Variants in MCM7 observed in about 807,000 individuals in gnomAD.
MCM7 encodes the protein DNA replication licensing factor MCM7.
A neutral mutation model predicts 83.5 loss-of-function variants in MCM7; 95 were observed. The ratio of observed to expected loss-of-function variants is 1.14; its 90% CI spans 0.96 to 1.35. The LOEUF (loss-of-function observed/expected upper bound fraction) is 1.35. Ranked by LOEUF, MCM7 falls within the 40% of genes most tolerant of loss-of-function variation. The pLI is 0.00. For synonymous variants in MCM7, 461 were observed against 352.7 expected, an observed-to-expected ratio of 1.31 and a Z score of -3.44; for missense variants, 1,087 against 957.4, an observed-to-expected ratio of 1.14 and a Z score of -1.79.
chr7:100,098,731 A>C lies in MCM7; in HGVS notation c.583-16T>G. The C allele has an allele frequency of 6.2e-7, 1 of 1,613,994 alleles. No individual in the cohort carries two copies. On this transcript the variant is annotated splice_polypyrimidine_tract_variant and intron_variant, in intron 5 of 14. Coordinates refer to ENST00000303887, the MANE Select transcript of MCM7 (RefSeq NM_005916.5). ...GAGACTGGATCTAGGATGTGAGAAC[A>C]GAAACACCAAAGGAACTCAGAAGGA... is the stretch of plus-strand genomic sequence containing the variant.
chr7:100,098,413 C>T, intron 6 of MCM7, 123 bp from the exon 7 acceptor site: 1 of 1,477,100 alleles, frequency 6.8e-7, no homozygotes, highest in Middle Eastern at 2.2e-4. Context: ...AGCAGGGGTG[C>T]TGAGACCTCC....
Position 100,096,174 on chromosome 7 carries a change from G to C in MCM7, c.1202-7C>G, listed in dbSNP as rs374979352. ...CGGCCTGTTGTGTACTGGCCTGGAA[G>C]AGAAGAAATAAGGAACCATGAGAGA... On this transcript the variant is annotated splice_region_variant and splice_polypyrimidine_tract_variant and intron_variant, in intron 10 of 14. Transcript: ENST00000303887. The C allele has an allele frequency of 1.2e-5, 19 of 1,557,052 alleles. No homozygotes were observed. The highest frequency in any genetic ancestry group is 3.4e-4 in the Middle Eastern group (2 of 5,800).
At chr7:100,098,939 A>G (rs924815474) in intron 5 of MCM7, 84 bp downstream of exon 5, 32 of 1,561,422 alleles carry the variant, frequency 2.0e-5, no homozygotes, top group Non-Finnish European at 2.7e-5. Context: ...CAACCAAATA[A>G]AACAATAGGC....
intron 13 of MCM7, 157 bp downstream of exon 13, chr7:100,094,016 C>T: frequency 1.0e-6 from 1 of 953,018 alleles, no homozygotes; most frequent in Non-Finnish European, 1.7e-6. Flanking sequence ...CAAGTACCCA[C>T]AGTGCGGTAG....
At chr7:100,095,520 C>A in intron 11 of MCM7, 50 bp from the exon 12 acceptor site, 1 of 1,557,810 alleles carries the variant, frequency 6.4e-7, no homozygotes, top group Middle Eastern at 1.7e-4. Context: ...GCTACGCACC[C>A]ATGTCCTCTT....
At chr7:100,100,176 GAACT>G (rs1795894019) in intron 1 of MCM7, 83 bp from the exon 2 acceptor site, 6 of 1,542,990 alleles carry the variant, frequency 3.9e-6, no homozygotes, top group Middle Eastern at 1.7e-4. Context: ...CACGACCTAT[GAACT>G]AATTAATAAT....
chr7:100,099,549 CG>C (rs1795832231), intron 3 of MCM7, 39 bp downstream of exon 3: 1 of 1,607,552 alleles, frequency 6.2e-7, no homozygotes, highest in African/African-American at 1.3e-5. Flanking sequence ...GAAGCTTAAA[CG>C]CCTCGCCCTT....
At chr7:100,100,923 A>G (rs1480253082) in intron 1 of MCM7, 4 of 1,043,476 alleles carry the variant, frequency 3.8e-6, no homozygotes, top group Non-Finnish European at 4.7e-6. Flanking sequence ...CGCGAAGGAA[A>G]GCGGGCACGG....
chr7:100,095,713 C>A (rs1373493333), intron 11 of MCM7, 61 bp downstream of exon 11: 2 of 1,504,334 alleles, frequency 1.3e-6, no homozygotes, highest in African/African-American at 2.8e-5. Flanking sequence ...TGATTCACCT[C>A]TCCTCCTCCC....
rs1562896430 is a variant in MCM7, at chr7:100,097,631, CGAG to C, written c.1097_1099del (p.Pro366del). ...CTTCTTACCCCGGATTTTCATGCCT[CGAG>C]GAGACTGGTCCACACCCCCGACTAG... On this transcript the variant is annotated inframe_deletion, in exon 9 of 15. Coordinates refer to ENST00000303887, the MANE Select transcript of MCM7 (RefSeq NM_005916.5). The C allele has an allele frequency of 6.2e-7, 1 of 1,613,962 alleles. No homozygotes were observed. The highest frequency in any genetic ancestry group is 1.1e-5 in the South Asian group (1 of 91,050).
At position 100,095,928 on chromosome 7, in the gene MCM7, G is replaced by A. The variant is rs770263756; in HGVS notation, c.1441C>T (p.Arg481Cys). ...KAGILTTLNARCSILAAANPA... is the reference protein window; with the variant it reads ...KAGILTTLNACCSILAAANPA... ...TTGGCGGCAGCCAGGATGGAGCAGC[G>A]GGCATTGAGTGTGGTGAGAATGCCG... Residue 481 changes from arginine to cysteine, a missense_variant, in exon 11 of 15, where the codon CGC becomes TGC. Arg to Cys is a radical substitution (Grantham distance 180). Coordinates refer to ENST00000303887, the MANE Select transcript of MCM7 (RefSeq NM_005916.5). The A allele has an allele frequency of 1.4e-5, 23 of 1,613,930 alleles. No homozygotes were observed. The highest frequency in any genetic ancestry group is 8.0e-5 in the African/African-American group (6 of 74,926).
At chr7:100,094,736 G>A (rs909110744) in intron 12 of MCM7, among the ~76,000 whole-genome samples, 3 of 152,144 alleles carry the variant, frequency 2.0e-5, no homozygotes, top group African/African-American at 7.2e-5. Flanking sequence ...GAGGCTCATG[G>A]GAAAATAGCG....
intron 1 of MCM7, chr7:100,100,703 G>C (rs914552297): frequency 1.2e-5 from 12 of 989,294 alleles, no homozygotes; most frequent in Non-Finnish European, 1.4e-5. Flanking sequence ...ACGCCCCCCC[G>C]GGCCGCAGCT....
rs1584493289 is a variant in MCM7, at chr7:100,098,229, T to C, written c.782A>G (p.Asn261Ser). 2 of 1,614,074 alleles carry C rather than the reference T, an allele frequency of 1.2e-6. No homozygotes were observed. The highest frequency in any genetic ancestry group is 1.3e-5 in the African/African-American group (1 of 75,022). The stretch of plus-strand genomic sequence containing the variant: ...GTCTCCAGGCTGGGCAATCCTTGTG[T>C]TCTCTCCTTCTACCAGCACCGTGAT... Reference protein sequence around the residue: ...RSITVLVEGENTRIAQPGDHV... With the variant: ...RSITVLVEGESTRIAQPGDHV... The change falls in exon 7 of 15, where the codon AAC (asparagine) becomes AGC (serine). Residue 261 changes from asparagine (N) to serine (S), a missense_variant. By Grantham distance (46) the Asn-to-Ser change is conservative. Coordinates refer to ENST00000303887, the MANE Select transcript of MCM7 (RefSeq NM_005916.5).
Position 100,098,142 on chromosome 7 carries a change from T to C in MCM7, c.869A>G (p.Gln290Arg), listed in dbSNP as rs1331561585. 6.2e-7 allele frequency: 1 copy of C among 1,614,086 alleles called. No homozygotes were observed. Among genetic ancestry groups the C allele is most frequent in the South Asian group, 1.1e-5 (1 of 91,078 alleles). ...TCCTCATGTCAAACTCTTCCTTACC[T>C]GTACCACCTGTCGGAACCCAGTGCG... ...ILRTGFRQVVQGLLSETYLEA... is the reference protein window; with the variant it reads ...ILRTGFRQVVRGLLSETYLEA... The change falls in exon 7 of 15, where the codon CAG becomes CGG. Residue 290 changes from glutamine (Q) to arginine (R), a missense_variant and splice_region_variant. Transcript: ENST00000303887.
chr7:100,096,910 G>A (rs535655603), intron 10 of MCM7, among the ~76,000 whole-genome samples: 1 of 152,114 alleles, frequency 6.6e-6, no homozygotes, highest in South Asian at 2.1e-4. Context: ...AGACCATCTG[G>A]CTAACACGGT....
Position 100,092,832 on chromosome 7 carries a change from A to C in MCM7, c.*100T>G. 1 of 1,242,526 alleles carries C rather than the reference A, an allele frequency of 8.0e-7. No homozygotes were observed. The highest frequency in any genetic ancestry group is 1.9e-5 in the Admixed American group (1 of 53,158). The allele number at this position is 1,242,526 out of a possible 1,614,324, so 77.0% of individuals were successfully genotyped here. ...AAAAGGAGTAAGTGCAGCATGGGAG[A>C]AAGAGGGGCTCCTCCTTCCCCTCAA... On this transcript the variant is annotated 3_prime_UTR_variant, in exon 15 of 15. Transcript: ENST00000303887.
In MCM7 at chr7:100,096,042, A is replaced by G. The variant is rs1016677319; in HGVS notation, c.1327T>C (p.Cys443Arg). The G allele has an allele frequency of 6.2e-7, 1 of 1,613,980 alleles. No homozygotes were observed. The highest frequency in any genetic ancestry group is 1.1e-5 in the South Asian group (1 of 91,060). ...GCCATCTTGTCGAACTCATCAATGC[A>G]GCACACACCCTGGTCAGCCAGCACC... ...ALVLADQGVC[C>R]IDEFDKMAEA... is the part of the protein sequence containing the mutation. The change falls in exon 11 of 15, where the codon TGC (cysteine) becomes CGC (arginine). Residue 443 changes from cysteine to arginine, a missense_variant. Transcript: ENST00000303887.
At chr7:100,100,256 T>C in intron 1 of MCM7, 163 bp from the exon 2 acceptor site, 2 of 1,400,890 alleles carry the variant, frequency 1.4e-6, no homozygotes, top group Non-Finnish European at 1.9e-6. Context: ...CACAAGTCTG[T>C]TTCTAACCAG....
Sources: gnomAD v4.1 joint callset for allele counts (sites outside exome capture counted in the v4.1 genomes callset) on GRCh38, gnomAD v4.1.1 for gene constraint, MANE v1.5 for transcripts, NCBI Gene and HGNC (gene_info 2026-07-23, HGNC 2026-07-21) for gene names.